The following ANO2 variants were observed in gnomAD, a reference collection of about 807,000 sequenced individuals.
ANO2 encodes anoctamin 2, also known as anoctamin-2.
ANO2 carries 101 observed loss-of-function variants against 124.2 expected under a neutral mutation model. The observed-to-expected ratio is 0.81, with a 90% confidence interval of 0.69 to 0.96. The LOEUF (loss-of-function observed/expected upper bound fraction) is 0.96, where lower values mean the gene tolerates loss of function less well. ANO2 is among the 40% of genes least tolerant of loss of function. The pLI is 0.00. For synonymous variants in ANO2, 486 were observed against 482.5 expected, an observed-to-expected ratio of 1.01 and a Z score of -0.09; for missense variants, 1,293 against 1,274.5, an observed-to-expected ratio of 1.01 and a Z score of -0.22.
intron 3 of ANO2, among the ~76,000 whole-genome samples, chr12:5,881,064 C>T (rs979221554): frequency 6.6e-6 from 1 of 152,164 alleles, no homozygotes; most frequent in South Asian, 2.1e-4. Context: ...AAGATGACCT[C>T]AGAGCATCCC....
At chr12:5,590,419 C>T (rs983601995) in intron 20 of ANO2, among the ~76,000 whole-genome samples, 8 of 152,164 alleles carry the variant, frequency 5.3e-5, no homozygotes, top group Non-Finnish European at 1.2e-4. Flanking sequence ...ATTTCTCAGC[C>T]AGGGGCCTGG....
At chr12:5,616,098 C>T (rs115494085) in intron 16 of ANO2, among the ~76,000 whole-genome samples, 2,211 of 152,248 alleles carry the variant, frequency 0.015, 56 homozygotes, top group African/African-American at 0.049. Flanking sequence ...AGGACACTTC[C>T]AAGGGACTCC....
chr12:5,717,180 G>C lies in ANO2; in HGVS notation c.1545+15340C>G, dbSNP rs571617431. Among the ~76,000 whole-genome samples the C allele has an allele frequency of 8.9e-4, 135 of 152,318 alleles. 1 individual carries two copies. Among genetic ancestry groups the C allele is most frequent in the South Asian group, 3.7e-3 (18 of 4,826 alleles). ...GAAACAACAGGCATGAAGAGTATGT[G>C]GGAACTGTGCAGAAGCCCAGCACAG... is the stretch of plus-strand genomic sequence containing the variant. On this transcript the variant is annotated intron_variant, in intron 14 of 24. Transcript: ENST00000682330.
intron 15 of ANO2, among the ~76,000 whole-genome samples, chr12:5,645,453 A>G (rs184884491): frequency 1.2e-3 from 177 of 152,272 alleles, no homozygotes; most frequent in African/African-American, 4.1e-3. Context: ...GTGTACACAT[A>G]TATATACACA....
At chr12:5,784,647 G>A (rs140169691) in intron 10 of ANO2, among the ~76,000 whole-genome samples, 15 of 152,250 alleles carry the variant, frequency 9.9e-5, no homozygotes. Flanking sequence ...GACTCCCTGG[G>A]CCTTTCACTG....
chr12:5,675,679 T>A (rs537096839), intron 14 of ANO2, among the ~76,000 whole-genome samples: 1 of 152,206 alleles, frequency 6.6e-6, no homozygotes, highest in South Asian at 2.1e-4. Context: ...ACAGGATAAC[T>A]CTGTCCTGAC....
intron 15 of ANO2, among the ~76,000 whole-genome samples, chr12:5,637,833 G>A (rs1206415189): frequency 1.3e-5 from 2 of 151,864 alleles, no homozygotes; most frequent in East Asian, 1.9e-4. Context: ...TGAACCTCTC[G>A]TTTGGTGTTT....
intron 1 of ANO2, among the ~76,000 whole-genome samples, chr12:5,926,563 G>C (rs78937229): frequency 6.6e-6 from 1 of 151,720 alleles, no homozygotes; most frequent in Non-Finnish European, 1.5e-5. Flanking sequence ...CATTCTTCCC[G>C]CTGCCTGGAC....
chr12:5,643,984 C>G (rs1946512085), intron 15 of ANO2, among the ~76,000 whole-genome samples: 1 of 152,154 alleles, frequency 6.6e-6, no homozygotes, highest in Non-Finnish European at 1.5e-5. Context: ...TGTCTTCTCA[C>G]AGAGTTTATT....
chr12:5,868,529 G>C (rs1472792067), intron 3 of ANO2, among the ~76,000 whole-genome samples: 1 of 152,202 alleles, frequency 6.6e-6, no homozygotes. Flanking sequence ...CATAGTAGGT[G>C]CTCAATGCTA....
chr12:5,832,946 C>T (rs184045019), intron 4 of ANO2, among the ~76,000 whole-genome samples: 41 of 152,316 alleles, frequency 2.7e-4, no homozygotes, highest in African/African-American at 8.7e-4. Context: ...CCAATGCTTA[C>T]AGCAACCCTG....
At chr12:5,567,060 C>T (rs1056239758) in intron 23 of ANO2, among the ~76,000 whole-genome samples, 3 of 152,272 alleles carry the variant, frequency 2.0e-5, no homozygotes, top group Middle Eastern at 3.4e-3. Context: ...TAAAAAAGAG[C>T]GCAGTGATAG....
chr12:5,920,587 C>G (rs1007912854), intron 3 of ANO2, among the ~76,000 whole-genome samples: 1 of 152,180 alleles, frequency 6.6e-6, no homozygotes, highest in South Asian at 2.1e-4. Context: ...TTCTCCAGGC[C>G]AGGCACGGTG....
intron 23 of ANO2, among the ~76,000 whole-genome samples, chr12:5,566,923 G>A (rs1247149416): frequency 6.6e-6 from 1 of 152,198 alleles, no homozygotes; most frequent in African/African-American, 2.4e-5. Context: ...CCCTTCTCCT[G>A]CCATAAATGA....
At chr12:5,795,261 C>T (rs572624634) in intron 10 of ANO2, among the ~76,000 whole-genome samples, 1 of 152,338 alleles carries the variant, frequency 6.6e-6, no homozygotes, top group Admixed American at 6.5e-5. Context: ...CCATAGAGAT[C>T]ACTCTCAGAT....
intron 14 of ANO2, among the ~76,000 whole-genome samples, chr12:5,670,816 C>T (rs2192189): frequency 0.45 from 68,817 of 151,936 alleles, 17,077 homozygotes; most frequent in Middle Eastern, 0.61. Flanking sequence ...CTGGGATTAC[C>T]GGTGTGAGCC....
At chr12:5,838,204 G>A (rs569544633) in intron 4 of ANO2, among the ~76,000 whole-genome samples, 3 of 152,284 alleles carry the variant, frequency 2.0e-5, no homozygotes, top group Admixed American at 6.5e-5. Context: ...GGGCTCCCAC[G>A]CTGTTTTTAC....
intron 14 of ANO2, among the ~76,000 whole-genome samples, chr12:5,657,413 G>A (rs1010723264): frequency 6.6e-6 from 1 of 152,116 alleles, no homozygotes; most frequent in Non-Finnish European, 1.5e-5. Flanking sequence ...TATGTGGAGC[G>A]CTTAGGGGAG....
chr12:5,578,126 C>T (rs529752310), intron 21 of ANO2, 119 bp from the exon 22 acceptor site: 3 of 1,334,410 alleles, frequency 2.2e-6, no homozygotes, highest in Admixed American at 2.1e-5. Context: ...TGGGCCCCCC[C>T]AGAATGGGCT....
Sources: gnomAD v4.1 joint callset for allele counts (sites outside exome capture counted in the v4.1 genomes callset) on GRCh38, gnomAD v4.1.1 for gene constraint, MANE v1.5 for transcripts, NCBI Gene and HGNC (gene_info 2026-07-23, HGNC 2026-07-21) for gene names.